Variants in NUP188 observed in about 807,000 individuals in gnomAD.
The protein encoded by NUP188 is nucleoporin NUP188.
NUP188 carries 97 observed loss-of-function variants against 223.0 expected under a neutral mutation model. That is an observed-to-expected ratio of 0.43 (90% confidence interval 0.37 to 0.51). The LOEUF (loss-of-function observed/expected upper bound fraction) is 0.51, where lower values mean the gene tolerates loss of function less well. NUP188 is among the 20% of genes least tolerant of loss of function. NUP188 has a pLI of 0.00. For synonymous variants in NUP188, 869 were observed against 828.0 expected (o/e 1.05, Z -0.85); for missense variants, 1,947 against 2,175.6 (o/e 0.89, Z 2.09).
intron 11 of NUP188, 43 bp from the exon 12 acceptor site, chr9:128,973,117 T>C: frequency 7.9e-7 from 1 of 1,259,268 alleles, no homozygotes; most frequent in Non-Finnish European, 1.2e-6. Flanking sequence ...TGGGGAAGAG[T>C]TGTATTACTC....
intron 8 of NUP188, among the ~76,000 whole-genome samples, chr9:128,964,493 C>G (rs1474040986): frequency 1.3e-5 from 2 of 150,792 alleles, no homozygotes; most frequent in African/African-American, 4.9e-5. Flanking sequence ...CCACAAGTAG[C>G]TGGGACTACA....
In NUP188 at chr9:129,003,350, G is replaced by A; in HGVS notation, c.4330G>A (p.Ala1444Thr). Residue 1444 changes from alanine to threonine, a missense_variant, in exon 38 of 44, where the codon GCC becomes ACC. This residue lies in a region of NUP188 where 905 missense variants were observed against 990.6 expected (regional missense o/e 0.91). Transcript: ENST00000372577. ...LNAVRTVQSL[A>T]CLEEADHTVG... ...CGCAGTGAGGACAGTGCAGAGTCTG[G>A]CCTGCCTGGAGGAGGCGGACCACAC... 6.2e-7 allele frequency: 1 copy of A among 1,612,696 alleles called. No individual in the cohort carries two copies.
At chr9:128,994,483 T>G in intron 28 of NUP188, 41 bp downstream of exon 28, 1 of 1,421,712 alleles carries the variant, frequency 7.0e-7, no homozygotes, top group Non-Finnish European at 9.9e-7. Context: ...TACAAGTCCC[T>G]TGGAGGAAAG....
In NUP188 at chr9:129,003,304, G is replaced by A. The variant is rs780653548; in HGVS notation, c.4297-13G>A. On this transcript the variant is annotated splice_polypyrimidine_tract_variant and intron_variant, in intron 37 of 43. Transcript: ENST00000372577. The stretch of plus-strand genomic sequence containing the variant: ...CCATCCCCATCTTTCCCTGATGTGT[G>A]CTTTCCTCCCAGTGCCTCAACGCAG... The A allele has an allele frequency of 1.6e-5, 26 of 1,598,232 alleles. No individual in the cohort carries two copies. Among genetic ancestry groups the A allele is most frequent in the Non-Finnish European group, 1.9e-5 (22 of 1,176,898 alleles).
In NUP188 at chr9:128,973,215, C is replaced by A. The variant is rs778764560; in HGVS notation, c.1169C>A (p.Thr390Asn). The A allele has an allele frequency of 6.2e-7, 1 of 1,613,512 alleles. No homozygotes were observed. The highest frequency in any genetic ancestry group is 8.5e-7 in the Non-Finnish European group (1 of 1,179,966). ...CVYGLLSFVL[T>N]SLELHTLGNQ... ...TATGGACTGCTCTCTTTCGTTCTGA[C>A]CTCGTTGGAGCTGCACACCCTGGGC... The change falls in exon 12 of 44, where the codon ACC becomes AAC. Residue 390 changes from threonine to asparagine, a missense_variant. Thr to Asn is a moderately conservative substitution (Grantham distance 65). Coordinates refer to ENST00000372577, the MANE Select transcript of NUP188 (RefSeq NM_015354.3).
At chr9:129,003,049 G>T in intron 37 of NUP188, 74 bp downstream of exon 37, 1 of 1,527,526 alleles carries the variant, frequency 6.5e-7, no homozygotes, top group South Asian at 1.2e-5. Flanking sequence ...TGGGGCAGGT[G>T]GGTGTGGAGC....
Position 128,986,688 on chromosome 9 carries a change from G to T in NUP188, c.2197+10G>T. 6.2e-7 allele frequency: 1 copy of T among 1,614,166 alleles called. No homozygotes were observed. Among genetic ancestry groups the T allele is most frequent in the Non-Finnish European group, 8.5e-7 (1 of 1,180,022 alleles). On this transcript the variant is annotated intron_variant, in intron 21 of 43. Coordinates refer to ENST00000372577, the MANE Select transcript of NUP188 (RefSeq NM_015354.3). Reference sequence around the variant, plus strand: ...GTGAGGGAACAGATTGGTAAGGACAGCATGGGCAGGGAAGACCTGGGGATT... The same window carrying T: ...GTGAGGGAACAGATTGGTAAGGACATCATGGGCAGGGAAGACCTGGGGATT...
chr9:128,947,707 C>CGG lies in NUP188; in HGVS notation c.-11_-10dup, dbSNP rs1564546762. The stretch of plus-strand genomic sequence containing the variant: ...CGTCTGGGGGCGGGGTTAGGGCGAG[C>CGG]GGGCGCGCGAAGATGGCGGCGGCCG... On this transcript the variant is annotated 5_prime_UTR_variant, in exon 1 of 44. Coordinates refer to ENST00000372577, the MANE Select transcript of NUP188 (RefSeq NM_015354.3). 2 of 1,465,372 alleles carry CGG rather than the reference C, an allele frequency of 1.4e-6. No homozygotes were observed. The highest frequency in any genetic ancestry group is 2.7e-5 in the South Asian group (2 of 74,632). 90.8% of individuals were successfully genotyped at this position (1,465,372 alleles called of 1,614,324 possible). A position where few individuals can be genotyped will look rare whatever the true frequency, so the allele number is the denominator to read the frequency against.
chr9:128,959,965 C>CA (rs1224325348), intron 8 of NUP188, among the ~76,000 whole-genome samples: 2 of 151,490 alleles, frequency 1.3e-5, no homozygotes, highest in African/African-American at 4.9e-5. Context: ...CATTTCTTAC[C>CA]TAAAATTTGT....
chr9:128,990,031 C>T lies in NUP188; in HGVS notation c.2534-89C>T, dbSNP rs1842392487. The stretch of plus-strand genomic sequence containing the variant: ...ACTTGAGGGTAAATTCCTTCACATA[C>T]ACACTGTGGGTCTTTTTTGAACAGT... On this transcript the variant is annotated intron_variant, in intron 24 of 43. Coordinates refer to ENST00000372577, the MANE Select transcript of NUP188 (RefSeq NM_015354.3). 1.0e-5 allele frequency: 10 copies of T among 998,806 alleles called. No individual in the cohort carries two copies. In the South Asian group the frequency reaches 1.2e-4, roughly 12 times the overall value. The allele number at this position is 998,806 out of a possible 1,614,324, so 61.9% of individuals were successfully genotyped here. A position where few individuals can be genotyped will look rare whatever the true frequency, so the allele number is the denominator to read the frequency against.
intron 8 of NUP188, among the ~76,000 whole-genome samples, chr9:128,966,439 C>T (rs1005707664): frequency 3.3e-5 from 5 of 151,586 alleles, no homozygotes; most frequent in Admixed American, 6.6e-5. Flanking sequence ...TTTAGTGGCA[C>T]AATCACGGCT....
Position 128,970,861 on chromosome 9 carries a change from G to A in NUP188, c.1016G>A (p.Ser339Asn). 6.2e-7 allele frequency: 1 copy of A among 1,614,140 alleles called. No individual in the cohort carries two copies. The highest frequency in any genetic ancestry group is 8.5e-7 in the Non-Finnish European group (1 of 1,180,012). Residue 339 changes from serine to asparagine, a missense_variant, in exon 11 of 44, where the codon AGC becomes AAC. Transcript: ENST00000372577. ...CACACTCTGAACCCAGAAGAGACAA[G>A]CAGTGTGGTCCGGAAGATAGGTGGC... The part of the protein sequence containing the change: ...LRHTLNPEET[S>N]SVVRKIGGTA...
At chr9:128,948,681 T>C (rs1413758678) in intron 1 of NUP188, 2 of 148,626 alleles carry the variant, frequency 1.3e-5, no homozygotes, top group East Asian at 4.0e-4. Flanking sequence ...CCGTCTCTTA[T>C]CCTTCCCTGT....
At chr9:129,005,831 C>G in intron 41 of NUP188, 55 bp downstream of exon 41, 1 of 1,545,214 alleles carries the variant, frequency 6.5e-7, no homozygotes, top group Non-Finnish European at 8.7e-7. Flanking sequence ...CCCCTGCCTG[C>G]CACTTCCCAG....
chr9:128,991,049 G>A (rs527818258), intron 25 of NUP188, among the ~76,000 whole-genome samples: 2 of 151,772 alleles, frequency 1.3e-5, no homozygotes, highest in Admixed American at 6.6e-5. Context: ...CATGCTTATT[G>A]TAAAATATTT....
rs369650536 is a variant in NUP188, at chr9:128,999,145, G to A, written c.3516-27G>A. The stretch of plus-strand genomic sequence containing the variant: ...TAGGATTACAGGCATGAGCCACCAC[G>A]CCTGGCCCACCCAGTATTCTTTCTA... On this transcript the variant is annotated intron_variant, in intron 32 of 43. Coordinates refer to ENST00000372577, the MANE Select transcript of NUP188 (RefSeq NM_015354.3). 3.1e-5 allele frequency: 50 copies of A among 1,609,744 alleles called. 1 individual carries two copies. The East Asian group carries it at 7.4e-4, about 24-fold the overall frequency.
rs147238763 is a variant in NUP188 at position 128,964,879 on chromosome 9, G to A, written c.586-3627G>A. Among the ~76,000 whole-genome samples the A allele has an allele frequency of 2.3e-3, 347 of 151,356 alleles. 2 individuals are homozygous for A. Among genetic ancestry groups the A allele is most frequent in the Admixed American group, 3.7e-3 (56 of 15,200 alleles). On this transcript the variant is annotated intron_variant, in intron 8 of 43. Transcript: ENST00000372577. Reference sequence around the variant, plus strand: ...GTGCCACCACGCCTTCCTAATTTGTGTTATTTTTAGTAGAGATGGGGTTTC... The same window carrying A: ...GTGCCACCACGCCTTCCTAATTTGTATTATTTTTAGTAGAGATGGGGTTTC...
Position 128,984,959 on chromosome 9 carries a change from AG to A in NUP188, c.2024del (p.Gly675AlafsTer12). 1 of 1,613,998 alleles carries A rather than the reference AG, an allele frequency of 6.2e-7. No homozygotes were observed. The highest frequency in any genetic ancestry group is 1.1e-5 in the South Asian group (1 of 91,076). On this transcript the variant is annotated frameshift_variant, in exon 20 of 44. Transcript: ENST00000372577. LOFTEE classifies it high-confidence loss of function. ...GNLLMNSEQP[Q>X]GEYGVTIAFL... ...CTCTTGATGAACAGTGAACAGCCTCAGGGCGAGTATGGGGTTACTATTGCCT... is the reference window on the plus strand; with the variant it reads ...CTCTTGATGAACAGTGAACAGCCTCAGGCGAGTATGGGGTTACTATTGCCT...
At chr9:128,959,824 C>G (rs1841922056) in intron 8 of NUP188, among the ~76,000 whole-genome samples, 1 of 152,102 alleles carries the variant, frequency 6.6e-6, no homozygotes, top group Admixed American at 6.6e-5. Flanking sequence ...GGGCATGAGC[C>G]ACTGTGCCTG....
Sources: gnomAD v4.1 joint callset for allele counts (sites outside exome capture counted in the v4.1 genomes callset) on GRCh38, gnomAD v4.1.1 for gene constraint, gnomAD v4.1.1 regional missense constraint, MANE v1.5 for transcripts, NCBI Gene and HGNC (gene_info 2026-07-23, HGNC 2026-07-21) for gene names.